CACNA2D3: variants seen among roughly 807,000 people sequenced by gnomAD.
CACNA2D3 encodes the protein calcium voltage-gated channel auxiliary subunit alpha2delta 3.
A neutral mutation model predicts 160.6 loss-of-function variants in CACNA2D3; 60 were observed. That is an observed-to-expected ratio of 0.37 (90% CI 0.30 to 0.46). The LOEUF is 0.46. Ranked by LOEUF, CACNA2D3 falls within the 20% of genes least tolerant of loss-of-function variation. The pLI is 1.00. For synonymous variants in CACNA2D3, 558 were observed against 492.9 expected (o/e 1.13, Z -1.75); for missense variants, 1,205 against 1,365.0 (o/e 0.88, Z 1.85).
intron 2 of CACNA2D3, among the ~76,000 whole-genome samples, chr3:54,267,871 C>T (rs1424107936): frequency 6.6e-6 from 1 of 152,160 alleles, no homozygotes; most frequent in Non-Finnish European, 1.5e-5. Context: ...TGCAATTCAT[C>T]CATATAATGA....
At chr3:54,207,480 G>T (rs1056040937) in intron 2 of CACNA2D3, among the ~76,000 whole-genome samples, 3 of 140,442 alleles carry the variant, frequency 2.1e-5, no homozygotes, top group Non-Finnish European at 4.4e-5. Context: ...ATCTCTCTTG[G>T]ACTTATTGGT....
chr3:54,191,067 T>C (rs985151287), intron 2 of CACNA2D3, among the ~76,000 whole-genome samples: 1 of 141,206 alleles, frequency 7.1e-6, no homozygotes, highest in Admixed American at 7.1e-5. Flanking sequence ...AAAAAAAAAG[T>C]GCCTTTCTTG....
intron 2 of CACNA2D3, among the ~76,000 whole-genome samples, chr3:54,215,341 A>G (rs568811396): frequency 2.6e-5 from 4 of 152,216 alleles, no homozygotes; most frequent in African/African-American, 9.7e-5. Flanking sequence ...TTTTGTGGTG[A>G]AAACATTTAA....
At chr3:54,914,798 A>C (rs1003073460) in intron 27 of CACNA2D3, among the ~76,000 whole-genome samples, 20 of 152,124 alleles carry the variant, frequency 1.3e-4, no homozygotes, top group African/African-American at 4.3e-4. Flanking sequence ...TTGGAATATA[A>C]TTTTGTGTGG....
At chr3:54,141,177 G>T (rs565371225) in intron 2 of CACNA2D3, among the ~76,000 whole-genome samples, 12 of 151,816 alleles carry the variant, frequency 7.9e-5, no homozygotes, top group African/African-American at 2.7e-4. Flanking sequence ...TCATTCTTGG[G>T]TGCAATGGCA....
intron 13 of CACNA2D3, among the ~76,000 whole-genome samples, chr3:54,804,788 C>T (rs1028361646): frequency 9.9e-5 from 15 of 152,076 alleles, no homozygotes; most frequent in African/African-American, 2.2e-4. Context: ...CAGAATTGAC[C>T]ACATAGTTGG....
chr3:54,533,040 C>G (rs895054552), intron 5 of CACNA2D3, among the ~76,000 whole-genome samples: 1 of 152,152 alleles, frequency 6.6e-6, no homozygotes, highest in East Asian at 1.9e-4. Context: ...TTGCATTTCT[C>G]TCATGATTAG....
At chr3:54,822,782 CTTTCTTTCCTTTCTTT>C (rs1311279826) in intron 14 of CACNA2D3, among the ~76,000 whole-genome samples, 43 of 77,594 alleles carry the variant, frequency 5.5e-4, no homozygotes, top group South Asian at 9.8e-4. Flanking sequence ...TTCTTTCTTT[CTTTCTTTCCTTTCTTT>C]CTTTCTTTCT....
rs374097446 is a variant in CACNA2D3 at position 54,689,721 on chromosome 3, G to GAC, written c.1167+47497_1167+47498dup. 6.9e-3 allele frequency among the ~76,000 whole-genome samples: 1,039 copies of GAC among 150,410 alleles called. 12 individuals are homozygous for GAC. Among genetic ancestry groups the GAC allele is most frequent in the African/African-American group, 0.022 (924 of 41,100 alleles). ...CTCTACCTCCAGATATGCCGACTCTGACACACACACACACACACCCTACCC... is the reference window on the plus strand; with the variant it reads ...CTCTACCTCCAGATATGCCGACTCTGACACACACACACACACACACCCTACCC... On this transcript the variant is annotated intron_variant, in intron 11 of 37. Coordinates refer to ENST00000474759, the MANE Select transcript of CACNA2D3 (RefSeq NM_018398.3).
At chr3:54,643,141 A>C (rs991871788) in intron 11 of CACNA2D3, among the ~76,000 whole-genome samples, 2 of 152,200 alleles carry the variant, frequency 1.3e-5, no homozygotes, top group African/African-American at 4.8e-5. Context: ...CTATAGGTAC[A>C]CGAGTCAGTC....
intron 2 of CACNA2D3, among the ~76,000 whole-genome samples, chr3:54,300,344 T>C (rs1703445193): frequency 6.6e-6 from 1 of 152,254 alleles, no homozygotes; most frequent in Non-Finnish European, 1.5e-5. Context: ...ACCAGCAGTC[T>C]CTGCCACGTG....
chr3:54,564,412 C>T (rs961074198), intron 6 of CACNA2D3, among the ~76,000 whole-genome samples: 1 of 152,156 alleles, frequency 6.6e-6, no homozygotes, highest in African/African-American at 2.4e-5. Flanking sequence ...TGTAAAATGC[C>T]TGCATAATTT....
chr3:54,928,624 G>C (rs1009957086), intron 27 of CACNA2D3, among the ~76,000 whole-genome samples: 1 of 152,132 alleles, frequency 6.6e-6, no homozygotes, highest in African/African-American at 2.4e-5. Context: ...GTTTCCTTTA[G>C]TGGACATCAC....
At chr3:54,586,699 C>G (rs924432334) in intron 9 of CACNA2D3, among the ~76,000 whole-genome samples, 1 of 152,136 alleles carries the variant, frequency 6.6e-6, no homozygotes, top group African/African-American at 2.4e-5. Context: ...ATAGAGCACT[C>G]TATCTAAATA....
intron 8 of CACNA2D3, among the ~76,000 whole-genome samples, chr3:54,578,903 C>T (rs984370744): frequency 5.4e-4 from 83 of 152,312 alleles, no homozygotes; most frequent in African/African-American, 1.9e-3. Flanking sequence ...CACTCAATTT[C>T]TGCAGGGCCC....
chr3:54,310,432 A>T (rs1010961282), intron 2 of CACNA2D3, among the ~76,000 whole-genome samples: 1 of 152,224 alleles, frequency 6.6e-6, no homozygotes, highest in African/African-American at 2.4e-5. Context: ...CTGCAGAATT[A>T]TACATTAGTT....
intron 4 of CACNA2D3, among the ~76,000 whole-genome samples, chr3:54,487,769 TTTAAAG>T (rs1210582089): frequency 1.3e-5 from 2 of 152,248 alleles, no homozygotes; most frequent in South Asian, 2.1e-4. Context: ...TGGGTGGCTA[TTTAAAG>T]TTAAAGTAAA....
intron 2 of CACNA2D3, among the ~76,000 whole-genome samples, chr3:54,284,850 T>C (rs1243157071): frequency 1.3e-5 from 2 of 152,204 alleles, no homozygotes; most frequent in African/African-American, 4.8e-5. Context: ...TATCCTGGAA[T>C]GCTATAAAGC....
chr3:54,813,863 C>CTTTTTTT (rs10699574), intron 13 of CACNA2D3, among the ~76,000 whole-genome samples: 1 of 121,596 alleles, frequency 8.2e-6, no homozygotes, highest in South Asian at 2.7e-4. Context: ...TTATAATATT[C>CTTTTTTT]TTTTTTTTTT....
Sources: gnomAD v4.1 joint callset for allele counts (sites outside exome capture counted in the v4.1 genomes callset) on GRCh38, gnomAD v4.1.1 for gene constraint, MANE v1.5 for transcripts, NCBI Gene and HGNC (gene_info 2026-07-23, HGNC 2026-07-21) for gene names.